PHACTR2: variants seen among roughly 807,000 people sequenced by gnomAD.
PHACTR2 encodes chromosome 6 open reading frame 56.
A neutral mutation model predicts 76.0 loss-of-function variants in PHACTR2; 30 were observed. The ratio of observed to expected loss-of-function variants is 0.39; its 90% CI spans 0.30 to 0.54. The LOEUF (loss-of-function observed/expected upper bound fraction) is 0.54. PHACTR2 is among the 20% of genes least tolerant of loss of function. The pLI is 0.61. For synonymous variants in PHACTR2, 292 were observed against 292.5 expected, an observed-to-expected ratio of 1.00 and a Z score of 0.02; for missense variants, 696 against 781.1, an observed-to-expected ratio of 0.89 and a Z score of 1.30.
intron 1 of PHACTR2, among the ~76,000 whole-genome samples, chr6:143,574,926 C>T (rs893920311): frequency 3.3e-5 from 5 of 152,148 alleles, no homozygotes; most frequent in Non-Finnish European, 4.4e-5. Context: ...AAAATTAACA[C>T]GTTAATAGAC....
rs1778103845 is a variant in PHACTR2, at chr6:143,708,622, T to C, written c.47-3394T>C. Among the ~76,000 whole-genome samples the C allele has an allele frequency of 6.6e-6, 1 of 152,172 alleles. No homozygotes were observed. The highest frequency in any genetic ancestry group is 1.5e-5 in the Non-Finnish European group (1 of 68,030). ...TGATCCACAAGAAAAATTATAGAAA[T>C]ATCAATAGCAATGCCCAGTGTCCTG... On this transcript the variant is annotated intron_variant, in intron 1 of 12. Coordinates refer to ENST00000440869, the MANE Select transcript of PHACTR2 (RefSeq NM_001100164.2). This position sits in a 1 kb window ranked among gnomAD's most constrained non-coding sequence, Gnocchi z 5.5.
chr6:143,644,561 T>C (rs1776624878), intron 1 of PHACTR2, among the ~76,000 whole-genome samples: 1 of 151,860 alleles, frequency 6.6e-6, no homozygotes, highest in Non-Finnish European at 1.5e-5. Context: ...TGGACTCATG[T>C]ATATTTTAGG....
chr6:143,741,590 A>G (rs766732532), intron 2 of PHACTR2, among the ~76,000 whole-genome samples: 37 of 152,236 alleles, frequency 2.4e-4, no homozygotes, highest in Non-Finnish European at 4.0e-4. Flanking sequence ...CTCCAAGCAC[A>G]TAAGAAATAG....
At chr6:143,746,846 A>G (rs1449366391) in intron 2 of PHACTR2, among the ~76,000 whole-genome samples, 11 of 152,090 alleles carry the variant, frequency 7.2e-5, no homozygotes, top group Admixed American at 7.2e-4. Context: ...AAAAAAAAAA[A>G]AAAGACTCTT....
intron 1 of PHACTR2, among the ~76,000 whole-genome samples, chr6:143,552,976 A>G (rs1161960238): frequency 2.0e-5 from 3 of 152,000 alleles, no homozygotes; most frequent in African/African-American, 7.2e-5. Flanking sequence ...GAAAACCGGC[A>G]TGATCTCTGA....
At chr6:143,620,795 G>A (rs974717632) in intron 1 of PHACTR2, among the ~76,000 whole-genome samples, 1 of 152,170 alleles carries the variant, frequency 6.6e-6, no homozygotes, top group African/African-American at 2.4e-5. Context: ...TTACCCTTTG[G>A]GACGCATGCA....
rs1779266352 is a variant in PHACTR2, at chr6:143,754,884, T to G, written c.454+972T>G. Among the ~76,000 whole-genome samples the G allele has an allele frequency of 6.6e-6, 1 of 152,206 alleles. No homozygotes were observed. The highest frequency in any genetic ancestry group is 2.4e-5 in the African/African-American group (1 of 41,452). On this transcript the variant is annotated intron_variant, in intron 4 of 12. Coordinates refer to ENST00000440869, the MANE Select transcript of PHACTR2 (RefSeq NM_001100164.2). The surrounding 1 kb of genome is among the most constrained non-coding windows in gnomAD (Gnocchi z 6.2). Reference sequence around the variant, plus strand: ...GGCATTTTGAACTCTTAGAAACTGATGAAAGTGAATTCTCTTCCTCTGTTC... The same window carrying G: ...GGCATTTTGAACTCTTAGAAACTGAGGAAAGTGAATTCTCTTCCTCTGTTC...
chr6:143,774,082 C>T lies in PHACTR2; in HGVS notation c.1456C>T (p.Arg486Trp), dbSNP rs769604911. Reference sequence around the variant, plus strand: ...AGGTGCTTTGGCAAGTAAAATACGCCGGAGGGATACTCTTGCTATCAAACT... The same window carrying T: ...AGGTGCTTTGGCAAGTAAAATACGCTGGAGGGATACTCTTGCTATCAAACT... ...GESALASKIR[R>W]RDTLAIKLGN... Residue 486 changes from arginine (R) to tryptophan (W), a missense_variant, in exon 8 of 13, where the codon CGG becomes TGG. Arg to Trp is a moderately radical substitution (Grantham distance 101). Transcript: ENST00000440869. The surrounding 1 kb of genome is among the most constrained non-coding windows in gnomAD (Gnocchi z 5.4). 27 of 1,613,458 alleles carry T rather than the reference C, an allele frequency of 1.7e-5. No individual in the cohort carries two copies. Among genetic ancestry groups the T allele is most frequent in the African/African-American group, 9.3e-5 (7 of 74,874 alleles).
chr6:143,714,863 A>G (rs1291368981), intron 2 of PHACTR2, among the ~76,000 whole-genome samples: 1 of 151,536 alleles, frequency 6.6e-6, no homozygotes, highest in African/African-American at 2.4e-5. Context: ...TTTTGCTTTG[A>G]TTTGATTTGA....
Position 143,639,375 on chromosome 6 carries a change from T to C in PHACTR2, c.13+31053T>C, listed in dbSNP as rs1433415009. ...AGTGTTTATGCCATCAAGGCTATCA[T>C]TGCTCAAAACATTTCAAAAATTACT... is the stretch of plus-strand genomic sequence containing the variant. On this transcript the variant is annotated intron_variant, in intron 1 of 11. Transcript: ENST00000305766. The surrounding 1 kb of genome is among the most constrained non-coding windows in gnomAD (Gnocchi z 5.0). Among the ~76,000 whole-genome samples, 2 of 152,246 alleles carry C rather than the reference T, an allele frequency of 1.3e-5. No individual in the cohort carries two copies. The highest frequency in any genetic ancestry group is 2.9e-5 in the Non-Finnish European group (2 of 68,038).
In PHACTR2 at chr6:143,807,743, G is replaced by T. The variant is rs769687422; in HGVS notation, c.1922+610G>T. Among the ~76,000 whole-genome samples the T allele has an allele frequency of 2.0e-5, 3 of 152,180 alleles. No individual in the cohort carries two copies. The highest frequency in any genetic ancestry group is 2.1e-4 in the South Asian group (1 of 4,816). On this transcript the variant is annotated intron_variant, in intron 12 of 12. Coordinates refer to ENST00000440869, the MANE Select transcript of PHACTR2 (RefSeq NM_001100164.2). The surrounding 1 kb of genome is among the most constrained non-coding windows in gnomAD (Gnocchi z 5.5). Reference sequence around the variant, plus strand: ...TCCTGATTTTACTGGTGACGAAGGAGATCGCTATCATCTTACCATTTTTCC... The same window carrying T: ...TCCTGATTTTACTGGTGACGAAGGATATCGCTATCATCTTACCATTTTTCC...
rs1440664082 is a variant in PHACTR2, at chr6:143,696,586, A to T, written c.47-15430A>T. 6.6e-6 allele frequency among the ~76,000 whole-genome samples: 1 copy of T among 152,214 alleles called. No homozygotes were observed. On this transcript the variant is annotated intron_variant, in intron 1 of 12. Coordinates refer to ENST00000440869, the MANE Select transcript of PHACTR2 (RefSeq NM_001100164.2). This position sits in a 1 kb window ranked among gnomAD's most constrained non-coding sequence, Gnocchi z 4.1. ...GTTGAATTACAGACCTAAGGTTACC[A>T]GCTAGGATGGGGAGGAACAGATTAT...
rs1272309188 is a variant in PHACTR2 at position 143,671,729 on chromosome 6, T to G, written c.14-40287T>G. Among the ~76,000 whole-genome samples the G allele has an allele frequency of 1.3e-5, 2 of 152,198 alleles. No homozygotes were observed. The highest frequency in any genetic ancestry group is 1.3e-4 in the Admixed American group (2 of 15,286). ...ATTTGTTGAGTGGTGAACCAATCAATGAGTTATTATTAATATAGAACTAGC... is the reference window on the plus strand; with the variant it reads ...ATTTGTTGAGTGGTGAACCAATCAAGGAGTTATTATTAATATAGAACTAGC... On this transcript the variant is annotated intron_variant, in intron 1 of 11. Coordinates refer to the PHACTR2 transcript ENST00000305766. This position sits in a 1 kb window ranked among gnomAD's most constrained non-coding sequence, Gnocchi z 4.6.
rs925830265 is a variant in PHACTR2, at chr6:143,742,909, T to A, written c.215-6076T>A. 2.6e-5 allele frequency among the ~76,000 whole-genome samples: 4 copies of A among 152,204 alleles called. No individual in the cohort carries two copies. The highest frequency in any genetic ancestry group is 9.7e-5 in the African/African-American group (4 of 41,442). ...AACTTAGTAAGTGCTATAACAGAAA[T>A]AATAGTTAATAGCTAATATGTATTG... On this transcript the variant is annotated intron_variant, in intron 2 of 12. Transcript: ENST00000440869. The surrounding 1 kb of genome is among the most constrained non-coding windows in gnomAD (Gnocchi z 4.5).
intron 2 of PHACTR2, among the ~76,000 whole-genome samples, chr6:143,717,536 G>A (rs1259112269): frequency 6.6e-6 from 1 of 151,096 alleles, no homozygotes; most frequent in Non-Finnish European, 1.5e-5. Context: ...AATACCCACT[G>A]TAACCAAAAA....
At chr6:143,676,744 A>T (rs950770173), upstream of PHACTR2, among the ~76,000 whole-genome samples, 3 of 120,826 alleles carry the variant, frequency 2.5e-5, no homozygotes, top group African/African-American at 1.1e-4. The surrounding 1 kb of genome is among the most constrained non-coding windows in gnomAD (Gnocchi z 4.8). Context: ...CAATTTCATT[A>T]AAAAAAAAAA....
At position 143,626,927 on chromosome 6, in the gene PHACTR2, T is replaced by G. The variant is rs553731179; in HGVS notation, c.13+18605T>G. On this transcript the variant is annotated intron_variant, in intron 1 of 11. Coordinates refer to the PHACTR2 transcript ENST00000305766. Reference sequence around the variant, plus strand: ...TTACTCAAAACAAGTTTGGAATTCCTCTTTTAGAATTGTCTTTGGAGCTAC... The same window carrying G: ...TTACTCAAAACAAGTTTGGAATTCCGCTTTTAGAATTGTCTTTGGAGCTAC... 2.6e-5 allele frequency among the ~76,000 whole-genome samples: 4 copies of G among 152,348 alleles called. No homozygotes were observed. The South Asian group carries it at 8.3e-4, about 32-fold the overall frequency.
At chr6:143,660,748 A>G (rs1776934432) in intron 1 of PHACTR2, among the ~76,000 whole-genome samples, 1 of 152,218 alleles carries the variant, frequency 6.6e-6, no homozygotes, top group Non-Finnish European at 1.5e-5. Flanking sequence ...CTATGGAAAT[A>G]CATAAATTAA....
At chr6:143,657,415 G>A (rs1482663732) in intron 1 of PHACTR2, among the ~76,000 whole-genome samples, 1 of 152,062 alleles carries the variant, frequency 6.6e-6, no homozygotes, top group East Asian at 1.9e-4. Context: ...ACACTGATCT[G>A]ATTTCTCCCC....
Sources: allele counts gnomAD v4.1 joint callset (sites outside exome capture counted in the v4.1 genomes callset), GRCh38; gene constraint gnomAD v4.1.1; non-coding constraint Gnocchi (gnomAD v3.1); transcripts MANE v1.5; gene names NCBI Gene and HGNC (gene_info 2026-07-23, HGNC 2026-07-21).